Variants in KCNH7 observed in about 807,000 individuals in gnomAD.
KCNH7 encodes voltage-gated inwardly rectifying potassium channel KCNH7.
KCNH7 carries 49 observed loss-of-function variants against 120.8 expected under a neutral mutation model. That is an observed-to-expected ratio of 0.41 (90% CI 0.32 to 0.51). KCNH7 has a LOEUF of 0.51. KCNH7 is among the 20% of genes least tolerant of loss of function. KCNH7 has a pLI of 0.38. For synonymous variants in KCNH7, 547 were observed against 516.1 expected, an observed-to-expected ratio of 1.06 and a Z score of -0.81; for missense variants, 1,097 against 1,446.6, an observed-to-expected ratio of 0.76 and a Z score of 3.92.
At chr2:162,643,260 C>T (rs1004145919) in intron 2 of KCNH7, among the ~76,000 whole-genome samples, 1 of 151,502 alleles carries the variant, frequency 6.6e-6, no homozygotes, top group Admixed American at 6.6e-5. Flanking sequence ...ACCATTCAGA[C>T]TATTGATTTT....
At chr2:162,658,610 G>A (rs1345833285) in intron 2 of KCNH7, among the ~76,000 whole-genome samples, 6 of 152,162 alleles carry the variant, frequency 3.9e-5, no homozygotes, top group Non-Finnish European at 5.9e-5. Flanking sequence ...TGAACATGGG[G>A]TTTCTCTTCG....
intron 2 of KCNH7, among the ~76,000 whole-genome samples, chr2:162,732,394 A>AT (rs1361505951): frequency 2.0e-5 from 3 of 152,168 alleles, no homozygotes; most frequent in African/African-American, 7.2e-5. Flanking sequence ...TAGATATCTT[A>AT]TTCTTTGATC....
At chr2:162,718,820 TG>T (rs1335922766) in intron 2 of KCNH7, among the ~76,000 whole-genome samples, 1 of 152,082 alleles carries the variant, frequency 6.6e-6, no homozygotes, top group Non-Finnish European at 1.5e-5. Flanking sequence ...ATTCTGCATA[TG>T]GATACCTTTT....
At chr2:162,775,562 A>T (rs1683203902) in intron 2 of KCNH7, among the ~76,000 whole-genome samples, 1 of 152,192 alleles carries the variant, frequency 6.6e-6, no homozygotes, top group Admixed American at 6.5e-5. Context: ...TGATTATAAA[A>T]GGAAAGAATG....
At chr2:162,522,059 A>G (rs1417881272) in intron 3 of KCNH7, among the ~76,000 whole-genome samples, 1 of 151,958 alleles carries the variant, frequency 6.6e-6, no homozygotes, top group East Asian at 1.9e-4. Flanking sequence ...ATCTGCGCAA[A>G]TAAGATTAAG....
intron 2 of KCNH7, among the ~76,000 whole-genome samples, chr2:162,810,844 T>A (rs1330413919): frequency 6.6e-6 from 1 of 152,170 alleles, no homozygotes; most frequent in East Asian, 1.9e-4. Flanking sequence ...TCCTAGTTTA[T>A]CTTAAAATAC....
intron 2 of KCNH7, among the ~76,000 whole-genome samples, chr2:162,585,208 C>T (rs754280357): frequency 2.0e-5 from 3 of 152,090 alleles, no homozygotes; most frequent in Non-Finnish European, 2.9e-5. Flanking sequence ...AATTTGGAAA[C>T]GTAAATAGGA....
chr2:162,810,505 G>C (rs1053588434), intron 2 of KCNH7, among the ~76,000 whole-genome samples: 2 of 152,062 alleles, frequency 1.3e-5, no homozygotes, highest in African/African-American at 4.8e-5. Flanking sequence ...GTTTTATACT[G>C]CATTTGGTTT....
At chr2:162,620,798 A>G (rs1251118779) in intron 2 of KCNH7, among the ~76,000 whole-genome samples, 4 of 152,134 alleles carry the variant, frequency 2.6e-5, no homozygotes, top group Non-Finnish European at 5.9e-5. Flanking sequence ...CCAAGAAATC[A>G]TAGAATAATC....
chr2:162,624,889 G>GTTTTTTTTT, intron 2 of KCNH7, among the ~76,000 whole-genome samples: 1 of 69,714 alleles, frequency 1.4e-5, no homozygotes, highest in Non-Finnish European at 2.4e-5. Flanking sequence ...TGCACTCTTG[G>GTTTTTTTTT]TTTTTTTTTT....
At chr2:162,568,053 C>T (rs1188101484) in intron 2 of KCNH7, among the ~76,000 whole-genome samples, 2 of 151,954 alleles carry the variant, frequency 1.3e-5, no homozygotes, top group Non-Finnish European at 1.5e-5. Flanking sequence ...AGCATGGCCT[C>T]AGGAAACTTA....
rs1415718097 is a variant in KCNH7, at chr2:162,773,159, C to T, written c.307+63378G>A. ...TTTCCTTAAACAAGATAATTTGTAA[C>T]TGTCAAATGATAGACATAATCTGTC... is the stretch of plus-strand genomic sequence containing the variant. On this transcript the variant is annotated intron_variant, in intron 2 of 15. Transcript: ENST00000332142. Among the ~76,000 whole-genome samples, 6 of 152,162 alleles carry T rather than the reference C, an allele frequency of 3.9e-5. No homozygotes were observed. The East Asian group carries it at 1.2e-3, about 29-fold the overall frequency.
At chr2:162,798,214 T>G (rs1173641507) in intron 2 of KCNH7, among the ~76,000 whole-genome samples, 1 of 152,102 alleles carries the variant, frequency 6.6e-6, no homozygotes, top group Non-Finnish European at 1.5e-5. Context: ...AGAAGCAGAG[T>G]ATTTTAAGAA....
chr2:162,371,960 G>A lies in KCNH7; in HGVS notation c.3460C>T (p.Leu1154Phe), dbSNP rs1221178953. ...LKQDSDLSLE[L>F]HLRQRKTYVH... is the part of the protein sequence containing the mutation. ...TAAGTTTTTCTTTGCCGCAGGTGAA[G>A]CTCTAAAGAGAGATCACTGTCTTGT... is the stretch of plus-strand genomic sequence containing the variant. Residue 1154 changes from leucine to phenylalanine, a missense_variant, in exon 16 of 16, where the codon CTT (leucine) becomes TTT (phenylalanine). Coordinates refer to ENST00000332142, the MANE Select transcript of KCNH7 (RefSeq NM_033272.4). 1 of 1,613,848 alleles carries A rather than the reference G, an allele frequency of 6.2e-7. No individual in the cohort carries two copies. Among genetic ancestry groups the A allele is most frequent in the Non-Finnish European group, 8.5e-7 (1 of 1,179,872 alleles).
chr2:162,828,219 T>A (rs1306574316), intron 2 of KCNH7, among the ~76,000 whole-genome samples: 2 of 152,174 alleles, frequency 1.3e-5, no homozygotes, highest in East Asian at 1.9e-4. Context: ...ATTGATATAA[T>A]CTTAGTATAT....
chr2:162,690,048 A>G (rs573715121), intron 2 of KCNH7, among the ~76,000 whole-genome samples: 2 of 152,354 alleles, frequency 1.3e-5, no homozygotes, highest in South Asian at 4.1e-4. Flanking sequence ...ATATGCAACC[A>G]TAAAAAAACA....
intron 3 of KCNH7, among the ~76,000 whole-genome samples, chr2:162,529,319 T>G (rs1482836248): frequency 6.6e-6 from 1 of 151,880 alleles, no homozygotes; most frequent in Non-Finnish European, 1.5e-5. Context: ...CAACAAATGG[T>G]ACTGAAATAG....
chr2:162,384,463 G>T (rs1408805111), intron 13 of KCNH7, among the ~76,000 whole-genome samples: 3 of 151,862 alleles, frequency 2.0e-5, no homozygotes, highest in Middle Eastern at 3.2e-3. Context: ...AGTCTGGTTG[G>T]TCACGAAAAC....
chr2:162,455,529 T>C (rs1688934741), intron 6 of KCNH7, among the ~76,000 whole-genome samples: 1 of 152,216 alleles, frequency 6.6e-6, no homozygotes, highest in Non-Finnish European at 1.5e-5. Flanking sequence ...CTCCTCTTTG[T>C]ACCTCTGGTA....
Sources: gnomAD v4.1 joint callset for allele counts (sites outside exome capture counted in the v4.1 genomes callset) on GRCh38, gnomAD v4.1.1 for gene constraint, MANE v1.5 for transcripts, NCBI Gene and HGNC (gene_info 2026-07-23, HGNC 2026-07-21) for gene names.